The following FSTL5 variants were observed in gnomAD, a reference collection of about 807,000 sequenced individuals.
FSTL5 encodes follistatin-related protein 5.
Under a neutral mutation model 89.1 loss-of-function variants are expected in FSTL5, and 62 were observed. The observed-to-expected ratio is 0.70, with a 90% confidence interval of 0.57 to 0.86. The LOEUF (loss-of-function observed/expected upper bound fraction) is 0.86, where lower values mean the gene tolerates loss of function less well. FSTL5 is among the 40% of genes least tolerant of loss of function. The probability of loss-of-function intolerance (pLI) is 0.00; values close to 1 mark genes in which losing one functional copy is unlikely to be tolerated. For missense variants in FSTL5, 1,057 were observed against 1,001.6 expected (o/e 1.06, Z -0.75); for synonymous variants, 383 against 346.2 (o/e 1.11, Z -1.18).
At chr4:161,954,498 C>T (rs1360511929) in intron 3 of FSTL5, among the ~76,000 whole-genome samples, 1 of 148,936 alleles carries the variant, frequency 6.7e-6, no homozygotes, top group Non-Finnish European at 1.5e-5. Context: ...CCACCCATTG[C>T]ATATCGGGAT....
chr4:161,454,868 G>T, intron 15 of FSTL5, 136 bp downstream of exon 15: 1 of 731,372 alleles, frequency 1.4e-6, no homozygotes, highest in Non-Finnish European at 2.2e-6. Context: ...TCAGTAAGCA[G>T]ATATGACAAA....
chr4:161,441,885 C>A (rs1408146338), intron 15 of FSTL5, among the ~76,000 whole-genome samples: 2 of 152,054 alleles, frequency 1.3e-5, no homozygotes, highest in East Asian at 1.9e-4. Flanking sequence ...ATGGAGGCAA[C>A]CTTGACCTTT....
At chr4:161,944,900 A>G (rs1471334452) in intron 3 of FSTL5, among the ~76,000 whole-genome samples, 1 of 151,606 alleles carries the variant, frequency 6.6e-6, no homozygotes, top group Non-Finnish European at 1.5e-5. Context: ...GTGAATGTTT[A>G]TAATATTCAA....
chr4:161,454,678 T>C (rs758207266), intron 15 of FSTL5, among the ~76,000 whole-genome samples: 7 of 152,198 alleles, frequency 4.6e-5, no homozygotes, highest in East Asian at 3.9e-4. Flanking sequence ...TTAGTTATCT[T>C]TGGGGGAAAT....
intron 4 of FSTL5, among the ~76,000 whole-genome samples, chr4:161,885,069 T>C (rs1038225513): frequency 2.6e-5 from 4 of 152,158 alleles, no homozygotes; most frequent in African/African-American, 9.7e-5. Context: ...AGTAAAAAGA[T>C]AGATATTATC....
chr4:161,972,045 C>T (rs1735499690), intron 3 of FSTL5, among the ~76,000 whole-genome samples: 1 of 152,142 alleles, frequency 6.6e-6, no homozygotes, highest in Non-Finnish European at 1.5e-5. Flanking sequence ...ATAATTCCTT[C>T]TGGCCACTGC....
intron 3 of FSTL5, among the ~76,000 whole-genome samples, chr4:161,936,258 T>G (rs1463500296): frequency 2.6e-5 from 4 of 152,212 alleles, no homozygotes; most frequent in Non-Finnish European, 5.9e-5. Context: ...TATCTACACA[T>G]ATACATAATT....
At chr4:161,655,189 T>C (rs1331918547) in intron 7 of FSTL5, among the ~76,000 whole-genome samples, 1 of 152,160 alleles carries the variant, frequency 6.6e-6, no homozygotes, top group African/African-American at 2.4e-5. Context: ...ATAGATATTA[T>C]TGATAATTAT....
chr4:161,962,969 A>G (rs1255083816), intron 3 of FSTL5, among the ~76,000 whole-genome samples: 2 of 152,010 alleles, frequency 1.3e-5, no homozygotes, highest in African/African-American at 4.8e-5. Flanking sequence ...ACCTCTAAGC[A>G]CAAGCTTTGG....
chr4:161,409,639 C>A (rs936703508), intron 15 of FSTL5, among the ~76,000 whole-genome samples: 14 of 152,128 alleles, frequency 9.2e-5, no homozygotes, highest in Non-Finnish European at 2.1e-4. Context: ...CTTGGCCTCC[C>A]AAAGTGCTGC....
rs147433060 is a variant in FSTL5 at position 161,968,934 on chromosome 4, TACACAC to T, written c.161-48288_161-48283del. Among the ~76,000 whole-genome samples, 251 of 140,232 alleles carry T rather than the reference TACACAC, an allele frequency of 1.8e-3. 1 individual carries two copies. The highest frequency in any genetic ancestry group is 5.9e-3 in the African/African-American group (229 of 38,954). 92.0% of individuals were successfully genotyped at this position (140,232 alleles called of 152,430 possible). A position where few individuals can be genotyped will look rare whatever the true frequency, so the allele number is the denominator to read the frequency against. Reference sequence around the variant, plus strand: ...GCTACTACCACCCAAGACACAGACATACACACACACACACACACACACACACTCACA... The same window carrying T: ...GCTACTACCACCCAAGACACAGACATACACACACACACACACACACTCACA... On this transcript the variant is annotated intron_variant, in intron 3 of 15. Coordinates refer to ENST00000306100, the MANE Select transcript of FSTL5 (RefSeq NM_020116.5).
At chr4:161,508,041 A>C (rs1730537299) in intron 11 of FSTL5, among the ~76,000 whole-genome samples, 1 of 152,030 alleles carries the variant, frequency 6.6e-6, no homozygotes, top group Non-Finnish European at 1.5e-5. Context: ...AGAAATATGT[A>C]GCTCATATTT....
chr4:161,861,682 A>G (rs1213220955), intron 4 of FSTL5, among the ~76,000 whole-genome samples: 5 of 152,194 alleles, frequency 3.3e-5, no homozygotes, highest in African/African-American at 1.2e-4. Context: ...TTGCTAGAGA[A>G]GCAGCTAAAG....
chr4:162,065,226 C>A (rs749112935), intron 2 of FSTL5, among the ~76,000 whole-genome samples: 1 of 151,958 alleles, frequency 6.6e-6, no homozygotes, highest in South Asian at 2.1e-4. Flanking sequence ...TCTTAAAAAT[C>A]TTCTGCACAG....
intron 6 of FSTL5, among the ~76,000 whole-genome samples, chr4:161,754,723 A>C (rs1740514151): frequency 6.6e-6 from 1 of 152,264 alleles, no homozygotes; most frequent in East Asian, 1.9e-4. Flanking sequence ...TCATAACCTA[A>C]GCAAATAAAG....
intron 12 of FSTL5, among the ~76,000 whole-genome samples, chr4:161,488,248 A>T (rs62324269): frequency 0.069 from 10,430 of 152,128 alleles, 471 homozygotes; most frequent in Middle Eastern, 0.11. Context: ...TAAATATCAT[A>T]AGTAGTCTTT....
At chr4:161,539,932 A>C (rs1578910113) in intron 9 of FSTL5, among the ~76,000 whole-genome samples, 2 of 142,332 alleles carry the variant, frequency 1.4e-5, no homozygotes, top group Admixed American at 7.2e-5. Flanking sequence ...GGATCCACAC[A>C]CTTAACAGCT....
chr4:161,947,506 T>C (rs2110941783), intron 3 of FSTL5, among the ~76,000 whole-genome samples: 1 of 152,244 alleles, frequency 6.6e-6, no homozygotes, highest in Middle Eastern at 3.4e-3. Flanking sequence ...GTTCCTTTTC[T>C]CTTGTGATTA....
chr4:161,777,540 A>T (rs1741454923), intron 4 of FSTL5, among the ~76,000 whole-genome samples: 1 of 152,150 alleles, frequency 6.6e-6, no homozygotes, highest in Admixed American at 6.6e-5. Flanking sequence ...AATAGCACTA[A>T]GATCATATTA....
Sources: allele counts gnomAD v4.1 joint callset (sites outside exome capture counted in the v4.1 genomes callset), GRCh38; gene constraint gnomAD v4.1.1; transcripts MANE v1.5; gene names NCBI Gene and HGNC (gene_info 2026-07-23, HGNC 2026-07-21).